CPAMD8: variants seen among roughly 807,000 people sequenced by gnomAD.
CPAMD8 encodes the protein C3 and PZP like alpha-2-macroglobulin domain containing 8.
A neutral mutation model predicts 224.7 loss-of-function variants in CPAMD8; 146 were observed. The observed-to-expected ratio is 0.65, with a 90% CI of 0.57 to 0.75. CPAMD8 has a LOEUF of 0.75. CPAMD8 is among the 30% of genes least tolerant of loss of function. The probability of loss-of-function intolerance (pLI) is 0.00; values close to 1 mark genes in which losing one functional copy is unlikely to be tolerated. For synonymous variants in CPAMD8, 966 were observed against 1,044.6 expected (o/e 0.92, Z 1.45); for missense variants, 2,301 against 2,537.5 (o/e 0.91, Z 2.00).
rs747085542 is a variant in CPAMD8, at chr19:17,020,328, T to C, written c.267+3A>G. The stretch of plus-strand genomic sequence containing the variant: ...TTTATGATTTTAAAAATCAACGGCT[T>C]ACCTTGAGTTTGATTGTCCCTTTAT... On this transcript the variant is annotated splice_donor_region_variant and intron_variant, in intron 3 of 41. Transcript: ENST00000443236. The C allele has an allele frequency of 4.4e-6, 7 of 1,585,878 alleles. No individual in the cohort carries two copies. Among genetic ancestry groups the C allele is most frequent in the South Asian group, 1.1e-5 (1 of 90,304 alleles).
intron 9 of CPAMD8, among the ~76,000 whole-genome samples, chr19:17,001,320 GAA>G (rs1170361586): frequency 0.011 from 455 of 42,470 alleles, 1 homozygote; most frequent in African/African-American, 0.037. Context: ...GACTCCGTCT[GAA>G]AAAAAAAAAA....
chr19:17,008,468 C>T (rs2056552670), intron 7 of CPAMD8, 37 bp downstream of exon 7: 1 of 1,610,932 alleles, frequency 6.2e-7, no homozygotes, highest in Non-Finnish European at 8.5e-7. Context: ...AGGTTTATCA[C>T]ATCTGCAGCC....
chr19:16,958,924 C>T (rs1022358376), intron 18 of CPAMD8, among the ~76,000 whole-genome samples: 27 of 150,312 alleles, frequency 1.8e-4, no homozygotes, highest in East Asian at 8.0e-4. Context: ...CTCAGCCTCC[C>T]GAGTAGCTAG....
At chr19:16,911,790 C>G (rs761769019) in intron 29 of CPAMD8, among the ~76,000 whole-genome samples, 1 of 151,892 alleles carries the variant, frequency 6.6e-6, no homozygotes, top group Non-Finnish European at 1.5e-5. Flanking sequence ...TGTGATCCAC[C>G]GCCTCAGCCT....
chr19:16,909,847 G>A (rs570283995), intron 29 of CPAMD8, among the ~76,000 whole-genome samples: 6 of 152,012 alleles, frequency 3.9e-5, no homozygotes, highest in Non-Finnish European at 7.4e-5. Context: ...ACTGCTGATC[G>A]GCACGGGAGT....
At position 17,011,457 on chromosome 19, in the gene CPAMD8, A is replaced by G; in HGVS notation, c.486+7T>C. 1.9e-6 allele frequency: 3 copies of G among 1,614,228 alleles called. No individual in the cohort carries two copies. Among genetic ancestry groups the G allele is most frequent in the Non-Finnish European group, 2.5e-6 (3 of 1,180,040 alleles). ...TCCGGGCCCGCGGTTTTAGAAGCTG[A>G]TCTCACCTTCTCGTTGACAGGCCTC... On this transcript the variant is annotated splice_region_variant and intron_variant, in intron 5 of 41. Coordinates refer to ENST00000443236, the MANE Select transcript of CPAMD8 (RefSeq NM_015692.5).
intron 10 of CPAMD8, among the ~76,000 whole-genome samples, chr19:16,997,672 G>A (rs1375617318): frequency 1.3e-5 from 2 of 151,762 alleles, no homozygotes; most frequent in African/African-American, 2.4e-5. Flanking sequence ...CCAACATGGC[G>A]AAACCCCGCC....
intron 11 of CPAMD8, among the ~76,000 whole-genome samples, chr19:16,996,830 A>T (rs982129758): frequency 5.3e-5 from 8 of 151,946 alleles, no homozygotes; most frequent in African/African-American, 1.9e-4. Context: ...AAAAAAAAAA[A>T]AAAAAAAAGA....
intron 13 of CPAMD8, among the ~76,000 whole-genome samples, chr19:16,984,402 C>A (rs2055639737): frequency 6.8e-6 from 1 of 146,188 alleles, no homozygotes; most frequent in Non-Finnish European, 1.5e-5. Flanking sequence ...TAACTCAAAA[C>A]AGATGAAAGA....
rs116289704 is a variant in CPAMD8 at position 16,945,565 on chromosome 19, C to A, written c.2777G>T (p.Arg926Leu). Reference sequence around the variant, plus strand: ...CGGCCTTACCTCAACCATCACACTGCGCCTGACGTGATCCACCCCGATGGG... The same window carrying A: ...CGGCCTTACCTCAACCATCACACTGAGCCTGACGTGATCCACCCCGATGGG... ...RVPIGVDHVR[R>L]SVMVEAEGVP... is the part of the protein sequence containing the mutation. The change falls in exon 22 of 42, where the codon CGC becomes CTC. Residue 926 changes from arginine to leucine, a missense_variant. Transcript: ENST00000443236. 10 of 1,614,068 alleles carry A rather than the reference C, an allele frequency of 6.2e-6. No homozygotes were observed. Among genetic ancestry groups the A allele is most frequent in the Non-Finnish European group, 8.5e-6 (10 of 1,179,932 alleles).
intron 12 of CPAMD8, among the ~76,000 whole-genome samples, chr19:16,992,361 G>A (rs1416772083): frequency 6.6e-6 from 1 of 152,158 alleles, no homozygotes; most frequent in South Asian, 2.1e-4. Context: ...AGGCTGAGGT[G>A]GAAGGATGGC....
intron 3 of CPAMD8, among the ~76,000 whole-genome samples, chr19:17,015,560 G>C (rs1417669110): frequency 6.6e-6 from 1 of 152,082 alleles, no homozygotes; most frequent in African/African-American, 2.4e-5. Flanking sequence ...TCTCCTACCT[G>C]CCACCCGCAG....
At chr19:16,973,827 C>CT (rs559363114) in intron 17 of CPAMD8, among the ~76,000 whole-genome samples, 2,296 of 118,284 alleles carry the variant, frequency 0.019, 37 homozygotes, top group South Asian at 0.042. Context: ...AGCATTAGCC[C>CT]TTTTTTTTTT....
At chr19:16,946,027 TTG>T (rs754084672) in intron 21 of CPAMD8, among the ~76,000 whole-genome samples, 1 of 151,954 alleles carries the variant, frequency 6.6e-6, no homozygotes, top group African/African-American at 2.4e-5. Context: ...GTACGTGTGT[TTG>T]TGTGTATATG....
At chr19:16,938,328 G>C in intron 23 of CPAMD8, 67 bp downstream of exon 23, 1 of 816,164 alleles carries the variant, frequency 1.2e-6, no homozygotes, top group Non-Finnish European at 1.9e-6. Flanking sequence ...TGTGGGAAAG[G>C]GGGAAGGCCA....
chr19:16,984,626 A>G (rs2055647175), intron 13 of CPAMD8, among the ~76,000 whole-genome samples: 1 of 152,214 alleles, frequency 6.6e-6, no homozygotes, highest in Non-Finnish European at 1.5e-5. Flanking sequence ...TATAGGAGAA[A>G]ATGTCTGCAA....
At chr19:16,936,155 T>A (rs2053676907) in intron 23 of CPAMD8, among the ~76,000 whole-genome samples, 1 of 152,096 alleles carries the variant, frequency 6.6e-6, no homozygotes, top group Non-Finnish European at 1.5e-5. Context: ...CTTGAACTCC[T>A]GGACTCAAGT....
At chr19:16,927,073 C>T (rs933866370) in intron 25 of CPAMD8, among the ~76,000 whole-genome samples, 1 of 152,116 alleles carries the variant, frequency 6.6e-6, no homozygotes, top group Non-Finnish European at 1.5e-5. Flanking sequence ...TGCCCAACTC[C>T]TAGCCCTGGA....
chr19:16,976,123 G>A lies in CPAMD8; in HGVS notation c.1787C>T (p.Thr596Ile). 6.2e-7 allele frequency: 1 copy of A among 1,612,156 alleles called. No homozygotes were observed. Among genetic ancestry groups the A allele is most frequent in the Non-Finnish European group, 8.5e-7 (1 of 1,178,976 alleles). Reference protein sequence around the residue: ...QVSVTYSANETQPGEVVDLRI... With the variant: ...QVSVTYSANEIQPGEVVDLRI... Reference sequence around the variant, plus strand: ...CAGGTCGACAACCTCCCCAGGTTGGGTCTCATTTGCTGAATACGTCACTGA... The same window carrying A: ...CAGGTCGACAACCTCCCCAGGTTGGATCTCATTTGCTGAATACGTCACTGA... Residue 596 changes from threonine (T) to isoleucine (I), a missense_variant, in exon 16 of 42, where the codon ACC becomes ATC. Thr to Ile is a moderately conservative substitution (Grantham distance 89). Coordinates refer to ENST00000443236, the MANE Select transcript of CPAMD8 (RefSeq NM_015692.5).
Sources: gnomAD v4.1 joint callset for allele counts (sites outside exome capture counted in the v4.1 genomes callset) on GRCh38, gnomAD v4.1.1 for gene constraint, MANE v1.5 for transcripts, NCBI Gene and HGNC (gene_info 2026-07-23, HGNC 2026-07-21) for gene names.